The following PARD3B variants were observed in gnomAD, a reference collection of about 807,000 sequenced individuals.
The protein encoded by PARD3B is partitioning defective 3 homolog B.
In PARD3B, 103 loss-of-function variants were observed where a neutral mutation model predicts 130.2. That is an observed-to-expected ratio of 0.79 (90% confidence interval 0.67 to 0.93). The LOEUF (loss-of-function observed/expected upper bound fraction) is 0.93, where lower values mean the gene tolerates loss of function less well. PARD3B is among the 40% of genes least tolerant of loss of function. PARD3B has a pLI of 0.00. For missense variants in PARD3B, 1,609 were observed against 1,499.2 expected (o/e 1.07, Z -1.21); for synonymous variants, 583 against 553.2 (o/e 1.05, Z -0.76).
At chr2:205,044,484 T>C (rs1212828088) in intron 3 of PARD3B, among the ~76,000 whole-genome samples, 2 of 147,928 alleles carry the variant, frequency 1.4e-5, no homozygotes, top group African/African-American at 5.0e-5. Context: ...CCTGACTTTT[T>C]AATGATTGCC....
chr2:205,226,525 A>AT (rs894236487), intron 15 of PARD3B, among the ~76,000 whole-genome samples: 39 of 151,418 alleles, frequency 2.6e-4, no homozygotes, highest in African/African-American at 7.5e-4. Flanking sequence ...TGTAGATTTG[A>AT]TTTTTTTTTA....
chr2:205,567,304 GTTTTTTTTTT>G (rs59171178), intron 22 of PARD3B, among the ~76,000 whole-genome samples: 1 of 56,374 alleles, frequency 1.8e-5, no homozygotes, highest in African/African-American at 6.8e-5. Flanking sequence ...AACATTCCTT[GTTTTTTTTTT>G]TTTTTTTTTT....
At position 205,280,334 on chromosome 2, in the gene PARD3B, G is replaced by C. The variant is rs1046251237; in HGVS notation, c.2186-20196G>C. Among the ~76,000 whole-genome samples, 1 of 152,116 alleles carries C rather than the reference G, an allele frequency of 6.6e-6. No homozygotes were observed. Among genetic ancestry groups the C allele is most frequent in the Non-Finnish European group, 1.5e-5 (1 of 67,994 alleles). ...TAAGTGAAGAAAAAAATCATCAAAG[G>C]GATCATCTGTACTTGCCCTGCTTTC... On this transcript the variant is annotated intron_variant, in intron 16 of 22. Coordinates refer to ENST00000406610, the MANE Select transcript of PARD3B (RefSeq NM_001302769.2). This position sits in a 1 kb window ranked among gnomAD's most constrained non-coding sequence, Gnocchi z 4.7.
chr2:204,750,085 A>G lies in PARD3B; in HGVS notation c.222+63803A>G, dbSNP rs183092810. ...AACTGTGATACACATGGAGGAGCCA[A>G]TATATGCAGCTTTGAAAAAGTTTCT... On this transcript the variant is annotated intron_variant, in intron 2 of 22. Transcript: ENST00000406610. Among the ~76,000 whole-genome samples, 357 of 152,324 alleles carry G rather than the reference A, an allele frequency of 2.3e-3. 2 individuals carry two copies. Among genetic ancestry groups the G allele is most frequent in the African/African-American group, 8.1e-3 (338 of 41,568 alleles).
At chr2:205,588,852 G>A (rs1303969203) in intron 22 of PARD3B, among the ~76,000 whole-genome samples, 2 of 152,112 alleles carry the variant, frequency 1.3e-5, no homozygotes, top group Admixed American at 1.3e-4. Context: ...CTGTTCCCTG[G>A]CAAACTCCAA....
intron 2 of PARD3B, among the ~76,000 whole-genome samples, chr2:204,897,385 G>GTTT (rs56693580): frequency 0.042 from 5,363 of 127,620 alleles, 527 homozygotes; most frequent in African/African-American, 0.15. Flanking sequence ...TGTAGGTACT[G>GTTT]TTTTTTTTTT....
intron 4 of PARD3B, among the ~76,000 whole-genome samples, chr2:205,068,907 G>C (rs956262157): frequency 6.6e-6 from 1 of 151,948 alleles, no homozygotes; most frequent in Non-Finnish European, 1.5e-5. Flanking sequence ...CTTGAAATTT[G>C]TGGTGATATT....
chr2:205,122,440 T>A lies in PARD3B; in HGVS notation c.1165+491T>A, dbSNP rs923178281. Reference sequence around the variant, plus strand: ...TCACAAACATTTAAAACATACCTAATTTCAAAAGCATGTATAATATTTTCT... The same window carrying A: ...TCACAAACATTTAAAACATACCTAAATTCAAAAGCATGTATAATATTTTCT... On this transcript the variant is annotated intron_variant, in intron 8 of 22. Transcript: ENST00000406610. The surrounding 1 kb of genome is among the most constrained non-coding windows in gnomAD (Gnocchi z 4.3). 1.2e-4 allele frequency among the ~76,000 whole-genome samples: 19 copies of A among 152,234 alleles called. No homozygotes were observed. Among genetic ancestry groups the A allele is most frequent in the African/African-American group, 4.3e-4 (18 of 41,470 alleles).
At chr2:205,513,433 T>G (rs935887516) in intron 21 of PARD3B, among the ~76,000 whole-genome samples, 6 of 152,110 alleles carry the variant, frequency 3.9e-5, no homozygotes, top group Admixed American at 6.6e-5. Flanking sequence ...CTGACATTTT[T>G]TATCAAGCAT....
intron 1 of PARD3B, among the ~76,000 whole-genome samples, chr2:204,643,041 G>A (rs1328741139): frequency 6.9e-6 from 1 of 145,404 alleles, no homozygotes; most frequent in Non-Finnish European, 1.5e-5. Context: ...TTGAACCCGG[G>A]GGGCGCAGAT....
intron 20 of PARD3B, among the ~76,000 whole-genome samples, chr2:205,489,173 A>G (rs1418908942): frequency 1.3e-5 from 2 of 152,146 alleles, no homozygotes; most frequent in African/African-American, 2.4e-5. Flanking sequence ...AACACTTGAT[A>G]AGTTTCTTCT....
intron 1 of PARD3B, among the ~76,000 whole-genome samples, chr2:204,631,442 G>T (rs895973688): frequency 2.0e-5 from 3 of 151,928 alleles, no homozygotes; most frequent in Admixed American, 6.6e-5. Context: ...TAGAGATGGG[G>T]TTTCACCATG....
rs138644226 is a variant in PARD3B at position 204,953,420 on chromosome 2, CAGAGAGAGAGAGAGAG to C, written c.223-11700_223-11685del. Among the ~76,000 whole-genome samples the C allele has an allele frequency of 4.9e-3, 606 of 123,316 alleles. 4 individuals are homozygous for C. Among genetic ancestry groups the C allele is most frequent in the Non-Finnish European group, 7.2e-3 (429 of 59,296 alleles). The allele number at this position is 123,316 out of a possible 152,430, so 80.9% of individuals were successfully genotyped here. A position where few individuals can be genotyped will look rare whatever the true frequency, so the allele number is the denominator to read the frequency against. On this transcript the variant is annotated intron_variant, in intron 2 of 22. Transcript: ENST00000406610. ...ATATATATGTTAACATACACACACA[CAGAGAGAGAGAGAGAG>C]AGAGAGAGAGAGAGAGAGAGAGAGA...
intron 3 of PARD3B, among the ~76,000 whole-genome samples, chr2:205,017,076 G>T (rs376856602): frequency 2.0e-4 from 30 of 152,098 alleles, no homozygotes; most frequent in African/African-American, 7.2e-4. Context: ...GATGCAGATA[G>T]TCTACTATGC....
rs2041484237 is a variant in PARD3B, at chr2:205,288,598, T to C, written c.2186-11932T>C. Among the ~76,000 whole-genome samples, 1 of 152,222 alleles carries C rather than the reference T, an allele frequency of 6.6e-6. No homozygotes were observed. Among genetic ancestry groups the C allele is most frequent in the African/African-American group, 2.4e-5 (1 of 41,466 alleles). ...CCTTCTTAGCCAGATTTCAAAGCCCTTCATGCCTTTACTTTATCCTTTCTA... is the reference window on the plus strand; with the variant it reads ...CCTTCTTAGCCAGATTTCAAAGCCCCTCATGCCTTTACTTTATCCTTTCTA... On this transcript the variant is annotated intron_variant, in intron 16 of 22. Coordinates refer to ENST00000406610, the MANE Select transcript of PARD3B (RefSeq NM_001302769.2). This position sits in a 1 kb window ranked among gnomAD's most constrained non-coding sequence, Gnocchi z 4.0.
At chr2:204,663,227 C>T (rs892695873) in intron 1 of PARD3B, among the ~76,000 whole-genome samples, 1 of 152,180 alleles carries the variant, frequency 6.6e-6, no homozygotes, top group Non-Finnish European at 1.5e-5. Context: ...TTGCCCATTG[C>T]TGCCCACCCT....
At position 205,490,756 on chromosome 2, in the gene PARD3B, C is replaced by T. The variant is rs542304766; in HGVS notation, c.3045-9140C>T. 3.9e-5 allele frequency among the ~76,000 whole-genome samples: 6 copies of T among 152,320 alleles called. No individual in the cohort carries two copies. The East Asian group carries it at 1.2e-3, about 29-fold the overall frequency. ...GTATAAAAGTGTTCCTATTTCTCCA[C>T]ATCCTCTCCAGCACCTGTTGTTTCC... On this transcript the variant is annotated intron_variant, in intron 20 of 22. Coordinates refer to ENST00000406610, the MANE Select transcript of PARD3B (RefSeq NM_001302769.2).
chr2:204,676,328 T>C (rs1574672679), intron 1 of PARD3B, among the ~76,000 whole-genome samples: 2 of 152,162 alleles, frequency 1.3e-5, no homozygotes, highest in Admixed American at 6.5e-5. Context: ...TGGCAAGACA[T>C]TGGAATAACG....
chr2:205,493,941 A>T (rs2049828813), intron 20 of PARD3B, among the ~76,000 whole-genome samples: 1 of 151,700 alleles, frequency 6.6e-6, no homozygotes, highest in Non-Finnish European at 1.5e-5. Context: ...TTGTATTTTT[A>T]GTAGAGATGG....
Sources: gnomAD v4.1 joint callset for allele counts (sites outside exome capture counted in the v4.1 genomes callset) on GRCh38, gnomAD v4.1.1 for gene constraint, Gnocchi (gnomAD v3.1) non-coding constraint, MANE v1.5 for transcripts, NCBI Gene and HGNC (gene_info 2026-07-23, HGNC 2026-07-21) for gene names.